CELF1: variants seen among roughly 807,000 people sequenced by gnomAD.
CELF1 encodes the protein CUGBP Elav-like family member 1, also known as 50 kDa nuclear polyadenylated RNA-binding protein.
A neutral mutation model predicts 61.8 loss-of-function variants in CELF1; 10 were observed. The ratio of observed to expected loss-of-function variants is 0.16; its 90% CI spans 0.10 to 0.27. CELF1 has a LOEUF of 0.27. CELF1 is among the 10% of genes least tolerant of loss of function. The pLI is 1.00. For synonymous variants in CELF1, 236 were observed against 225.1 expected, an observed-to-expected ratio of 1.05 and a Z score of -0.43; for missense variants, 380 against 639.1, an observed-to-expected ratio of 0.59 and a Z score of 4.37.
chr11:47,492,197 C>A (rs1377819508), intron 3 of CELF1, among the ~76,000 whole-genome samples: 1 of 152,104 alleles, frequency 6.6e-6, no homozygotes, highest in Non-Finnish European at 1.5e-5. Flanking sequence ...AAGGGCTGGT[C>A]TGAAACTCCT....
chr11:47,501,674 T>A (rs1033083423), intron 1 of CELF1, among the ~76,000 whole-genome samples: 2 of 151,222 alleles, frequency 1.3e-5, no homozygotes, highest in Non-Finnish European at 1.5e-5. Flanking sequence ...AAAAAAAAAA[T>A]TAGCTGGGCG....
In CELF1 at chr11:47,475,319, T is replaced by C. The variant is rs373715557; in HGVS notation, c.1273+17A>G. On this transcript the variant is annotated intron_variant, in intron 13 of 14. Transcript: ENST00000687097. ...AACCGCCCCCCATACCTGACCCCGATCTCCCTTTGCACTCACCTTCCTTCT... is the reference window on the plus strand; with the variant it reads ...AACCGCCCCCCATACCTGACCCCGACCTCCCTTTGCACTCACCTTCCTTCT... The C allele has an allele frequency of 9.6e-5, 155 of 1,612,088 alleles. 1 individual carries two copies. Among genetic ancestry groups the C allele is most frequent in the Middle Eastern group, 1.9e-4 (1 of 5,170 alleles).
intron 1 of CELF1, among the ~76,000 whole-genome samples, chr11:47,547,904 T>C (rs909526954): frequency 6.6e-6 from 1 of 152,172 alleles, no homozygotes; most frequent in Non-Finnish European, 1.5e-5. Context: ...GCTTAATGGT[T>C]ACAGAGGTTC....
chr11:47,505,490 A>C (rs900360575), intron 1 of CELF1, among the ~76,000 whole-genome samples: 1 of 150,554 alleles, frequency 6.6e-6, no homozygotes, highest in Admixed American at 6.7e-5. Flanking sequence ...AAAATACAAA[A>C]AAATTAGCCG....
intron 3 of CELF1, 50 bp from the exon 4 acceptor site, chr11:47,489,074 G>A (rs1313100107): frequency 1.4e-6 from 2 of 1,391,294 alleles, no homozygotes; most frequent in Admixed American, 2.9e-5. Context: ...TTGCTTTCCA[G>A]AGGAAATTTT....
chr11:47,551,969 C>T (rs185051525), intron 1 of CELF1, among the ~76,000 whole-genome samples: 1 of 149,574 alleles, frequency 6.7e-6, no homozygotes, highest in East Asian at 2.0e-4. Context: ...GCCGAGATAG[C>T]GCCACTGCAC....
chr11:47,551,827 G>C (rs1056083899), intron 1 of CELF1, among the ~76,000 whole-genome samples: 2 of 152,136 alleles, frequency 1.3e-5, no homozygotes, highest in African/African-American at 2.4e-5. Context: ...CATCCAGCCT[G>C]ATCAACATGG....
At chr11:47,494,216 A>G (rs2092579577) in intron 3 of CELF1, 3 of 197,620 alleles carry the variant, frequency 1.5e-5, no homozygotes. Flanking sequence ...GGCCTGCAAG[A>G]ATGTGAAGAG....
chr11:47,471,294 G>A lies in CELF1; in HGVS notation c.*936C>T, dbSNP rs1350540156. On this transcript the variant is annotated 3_prime_UTR_variant, in exon 15 of 15. Coordinates refer to ENST00000687097, the MANE Select transcript of CELF1 (RefSeq NM_001376376.1). ...GCCTTCATGAGAAAATGGTGGCTTG[G>A]GATGGAGGTGACATTCCTTGCTGTG... is the stretch of plus-strand genomic sequence containing the variant. 6.6e-6 allele frequency: 1 copy of A among 152,262 alleles called. No individual in the cohort carries two copies. Among genetic ancestry groups the A allele is most frequent in the Non-Finnish European group, 1.5e-5 (1 of 68,074 alleles). The allele number at this position is 152,262 out of a possible 1,614,324, so 9.4% of individuals were successfully genotyped here.
chr11:47,482,186 G>A lies in CELF1; in HGVS notation c.768+509C>T, dbSNP rs372904111. 1.7e-4 allele frequency among the ~76,000 whole-genome samples: 25 copies of A among 147,206 alleles called. No individual in the cohort carries two copies. In the South Asian group the frequency reaches 5.2e-3, roughly 31 times the overall value. On this transcript the variant is annotated intron_variant, in intron 9 of 14. Coordinates refer to ENST00000687097, the MANE Select transcript of CELF1 (RefSeq NM_001376376.1). ...ACTGCACTCTAGCCTGGGTGACAGA[G>A]TGAGTGAGACTCCGTCTCAAAAAAT... is the stretch of plus-strand genomic sequence containing the variant.
intron 2 of CELF1, among the ~76,000 whole-genome samples, chr11:47,561,114 G>A (rs1598753892): frequency 6.9e-6 from 1 of 144,934 alleles, no homozygotes; most frequent in African/African-American, 2.6e-5. Flanking sequence ...CTCTAGCCTG[G>A]GCAACAGAGT....
intron 3 of CELF1, among the ~76,000 whole-genome samples, chr11:47,489,935 G>GTTGTTTTTTTTTTTTTTTTTTTTTTT (rs1555170252): frequency 2.1e-5 from 1 of 48,226 alleles, no homozygotes; most frequent in African/African-American, 7.8e-5. Context: ...ATACCATCTT[G>GTTGTTTTTTTTTTTTTTTTTTTTTTT]TTTTTTTTTT....
intron 1 of CELF1, among the ~76,000 whole-genome samples, chr11:47,542,728 C>T (rs2096840297): frequency 6.6e-6 from 1 of 151,210 alleles, no homozygotes; most frequent in Admixed American, 6.6e-5. Context: ...AAACTTCTGG[C>T]CTCACGTGAT....
At chr11:47,552,936 C>T (rs1315556817) in intron 1 of CELF1, 56 bp downstream of exon 1, 1 of 397,606 alleles carries the variant, frequency 2.5e-6, no homozygotes, top group Non-Finnish European at 4.4e-6. Context: ...CTCCCTCTTG[C>T]CTTTTTTCCC....
At chr11:47,545,905 G>GTGTGTGTGTA (rs1555191627) in intron 1 of CELF1, among the ~76,000 whole-genome samples, 2 of 109,240 alleles carry the variant, frequency 1.8e-5, no homozygotes, top group East Asian at 2.9e-4. Flanking sequence ...GTGTGTGTGT[G>GTGTGTGTGTA]TATATATATA....
At chr11:47,522,010 G>A (rs960881088) in intron 1 of CELF1, among the ~76,000 whole-genome samples, 4 of 151,538 alleles carry the variant, frequency 2.6e-5, no homozygotes, top group African/African-American at 4.9e-5. Context: ...TCCCGGATTC[G>A]AGAGATTCTC....
At position 47,473,229 on chromosome 11, in the gene CELF1, G is replaced by A. The variant is rs1409059479; in HGVS notation, c.1276C>T (p.Pro426Ser). 6.2e-7 allele frequency: 1 copy of A among 1,611,200 alleles called. No individual in the cohort carries two copies. Among genetic ancestry groups the A allele is most frequent in the Admixed American group, 1.7e-5 (1 of 59,064 alleles). The change falls in exon 14 of 15, where the codon CCA becomes TCA. Residue 426 changes from proline (P) to serine (S), a missense_variant and splice_region_variant. Physicochemically the swap from Pro to Ser is moderately conservative, Grantham distance 74 (BLOSUM62 -1). Transcript: ENST00000687097. ...IGAAGSQKEG[P>S]EGANLFIYHL... ...TAGATGAACAGGTTGGCTCCCTCTG[G>A]ACCTTCAAAATACCCAGGAATTGGA...
chr11:47,498,738 G>A (rs1352677579), intron 3 of CELF1, among the ~76,000 whole-genome samples: 1 of 152,158 alleles, frequency 6.6e-6, no homozygotes, highest in Non-Finnish European at 1.5e-5. Context: ...ACAACTCAGG[G>A]TTAGGTTAGC....
intron 1 of CELF1, among the ~76,000 whole-genome samples, chr11:47,548,087 T>C (rs1598567642): frequency 6.6e-6 from 1 of 151,982 alleles, no homozygotes; most frequent in African/African-American, 2.4e-5. Flanking sequence ...GATCACGAGG[T>C]CTGGAGTTCA....
Sources: allele counts gnomAD v4.1 joint callset (sites outside exome capture counted in the v4.1 genomes callset), GRCh38; gene constraint gnomAD v4.1.1; transcripts MANE v1.5; gene names NCBI Gene and HGNC (gene_info 2026-07-23, HGNC 2026-07-21).